RANBP17: variants seen among roughly 807,000 people sequenced by gnomAD.
RANBP17 encodes RAN binding protein 17.
A neutral mutation model predicts 141.2 loss-of-function variants in RANBP17; 158 were observed. The ratio of observed to expected loss-of-function variants is 1.12; its 90% CI spans 0.98 to 1.28. RANBP17 has a LOEUF of 1.28. Ranked by LOEUF, RANBP17 falls within the 50% of genes most tolerant of loss-of-function variation. The pLI, the probability that RANBP17 is intolerant of heterozygous loss-of-function variation, is 0.00. For missense variants in RANBP17, 1,438 were observed against 1,290.7 expected (o/e 1.11, Z -1.75); for synonymous variants, 430 against 450.0 (o/e 0.96, Z 0.56).
At chr5:171,000,046 G>T (rs995405663) in intron 14 of RANBP17, among the ~76,000 whole-genome samples, 2 of 152,098 alleles carry the variant, frequency 1.3e-5, no homozygotes, top group Non-Finnish European at 2.9e-5. Context: ...GTCCTTAAGG[G>T]TAGCTTATAT....
intron 14 of RANBP17, among the ~76,000 whole-genome samples, chr5:171,060,471 A>C (rs1456155631): frequency 6.6e-6 from 1 of 151,568 alleles, no homozygotes; most frequent in Non-Finnish European, 1.5e-5. Flanking sequence ...ACATTTATTG[A>C]TTTGCATATA....
intron 14 of RANBP17, among the ~76,000 whole-genome samples, chr5:171,083,527 AC>A (rs1785396110): frequency 6.6e-6 from 1 of 152,200 alleles, no homozygotes; most frequent in South Asian, 2.1e-4. Flanking sequence ...ATTACAGTTG[AC>A]CCTTGAACAA....
intron 25 of RANBP17, among the ~76,000 whole-genome samples, chr5:171,280,864 A>G (rs927429790): frequency 1.5e-4 from 23 of 152,170 alleles, no homozygotes; most frequent in African/African-American, 5.3e-4. Context: ...TAAATTGCAA[A>G]TTCTCCATAT....
At chr5:171,247,259 A>C (rs1279943937) in intron 24 of RANBP17, among the ~76,000 whole-genome samples, 3 of 152,140 alleles carry the variant, frequency 2.0e-5, no homozygotes, top group Non-Finnish European at 4.4e-5. Context: ...TTCTTTGTAC[A>C]TATTGGTGGT....
chr5:171,252,742 A>G, intron 24 of RANBP17: 1 of 1,414,016 alleles, frequency 7.1e-7, no homozygotes, highest in Non-Finnish European at 1.0e-6. Flanking sequence ...TCACTGTGGA[A>G]GACTTATTTG....
At chr5:171,127,871 G>A (rs1051960867) in intron 14 of RANBP17, among the ~76,000 whole-genome samples, 3 of 152,126 alleles carry the variant, frequency 2.0e-5, no homozygotes, top group African/African-American at 7.2e-5. Context: ...CTAAAGGAAA[G>A]AATATCAGGC....
chr5:171,157,192 A>G (rs1042085327), intron 14 of RANBP17, among the ~76,000 whole-genome samples: 17 of 152,192 alleles, frequency 1.1e-4, no homozygotes, highest in African/African-American at 3.9e-4. Flanking sequence ...ATAATTGTGA[A>G]TGTTTATTCC....
At chr5:171,101,778 A>G (rs1430512419) in intron 14 of RANBP17, among the ~76,000 whole-genome samples, 1 of 152,118 alleles carries the variant, frequency 6.6e-6, no homozygotes, top group Non-Finnish European at 1.5e-5. Flanking sequence ...AGTTCTTGTA[A>G]GGCAGGCCTA....
At chr5:171,169,424 G>T (rs978307758) in intron 14 of RANBP17, among the ~76,000 whole-genome samples, 2 of 152,086 alleles carry the variant, frequency 1.3e-5, no homozygotes, top group Non-Finnish European at 2.9e-5. Context: ...CCCACTTGAA[G>T]TGGGATATGT....
intron 14 of RANBP17, among the ~76,000 whole-genome samples, chr5:171,162,327 A>G (rs1200366095): frequency 2.0e-5 from 3 of 152,118 alleles, no homozygotes; most frequent in Non-Finnish European, 4.4e-5. Context: ...GCACCACAGG[A>G]GTCTTTCTGT....
At chr5:170,982,408 AAAAACAG>A (rs1258483835) in intron 14 of RANBP17, among the ~76,000 whole-genome samples, 1 of 152,228 alleles carries the variant, frequency 6.6e-6, no homozygotes, top group Non-Finnish European at 1.5e-5. Flanking sequence ...AACCAAAGAG[AAAAACAG>A]AAAATAGGAA....
chr5:171,223,144 A>G (rs1324536968), intron 22 of RANBP17, among the ~76,000 whole-genome samples: 1 of 152,186 alleles, frequency 6.6e-6, no homozygotes, highest in Non-Finnish European at 1.5e-5. Flanking sequence ...TCTGAGCTGT[A>G]TACATTGTAG....
chr5:171,124,782 A>G (rs186561626), intron 14 of RANBP17, among the ~76,000 whole-genome samples: 3 of 152,342 alleles, frequency 2.0e-5, no homozygotes, highest in Non-Finnish European at 4.4e-5. Flanking sequence ...ATAAATGTAA[A>G]CAACAAAAGA....
chr5:171,186,494 G>A (rs891788234), intron 18 of RANBP17, among the ~76,000 whole-genome samples: 3 of 145,592 alleles, frequency 2.1e-5, no homozygotes, highest in African/African-American at 5.0e-5. Flanking sequence ...ATTAGGCTTT[G>A]GCTTAGGAAA....
At chr5:170,891,398 A>G (rs1581066026) in intron 3 of RANBP17, among the ~76,000 whole-genome samples, 1 of 152,228 alleles carries the variant, frequency 6.6e-6, no homozygotes, top group Admixed American at 6.5e-5. Context: ...ATGGAAAGAT[A>G]TAATACCAGA....
chr5:171,086,710 G>T (rs1785691563), intron 14 of RANBP17, among the ~76,000 whole-genome samples: 1 of 149,862 alleles, frequency 6.7e-6, no homozygotes, highest in African/African-American at 2.5e-5. Flanking sequence ...ATGTGTCGAG[G>T]AATTTATCCA....
intron 14 of RANBP17, among the ~76,000 whole-genome samples, chr5:170,982,713 G>A (rs1388478440): frequency 2.6e-5 from 4 of 152,150 alleles, no homozygotes; most frequent in Non-Finnish European, 5.9e-5. Flanking sequence ...AAGATAACAG[G>A]TTCCATACTG....
intron 12 of RANBP17, among the ~76,000 whole-genome samples, chr5:170,928,007 A>G (rs1773062765): frequency 1.3e-5 from 2 of 152,042 alleles, no homozygotes; most frequent in South Asian, 4.1e-4. Context: ...TAAGAGTTTC[A>G]CTTACTCTGC....
chr5:171,236,037 A>G (rs1764524653), intron 22 of RANBP17, among the ~76,000 whole-genome samples: 1 of 152,202 alleles, frequency 6.6e-6, no homozygotes, highest in Non-Finnish European at 1.5e-5. Context: ...GGGAAATATT[A>G]TATTCCCTCC....
Sources: gnomAD v4.1 joint callset for allele counts (sites outside exome capture counted in the v4.1 genomes callset) on GRCh38, gnomAD v4.1.1 for gene constraint, MANE v1.5 for transcripts, NCBI Gene and HGNC (gene_info 2026-07-23, HGNC 2026-07-21) for gene names.